The following TBC1D32 variants were observed in gnomAD, a reference collection of about 807,000 sequenced individuals.
The protein encoded by TBC1D32 is TBC1 domain family member 32.
A neutral mutation model predicts 170.3 loss-of-function variants in TBC1D32; 151 were observed. The ratio of observed to expected loss-of-function variants is 0.89; its 90% confidence interval spans 0.78 to 1.01. The LOEUF is 1.01. TBC1D32 is among the 50% of genes least tolerant of loss of function. The pLI, the probability that TBC1D32 is intolerant of heterozygous loss-of-function variation, is 0.00. For missense variants in TBC1D32, 1,464 were observed against 1,457.1 expected, an observed-to-expected ratio of 1.00 and a Z score of -0.08; for synonymous variants, 498 against 488.0, an observed-to-expected ratio of 1.02 and a Z score of -0.27.
intron 20 of TBC1D32, among the ~76,000 whole-genome samples, chr6:121,232,462 T>C (rs537875332): frequency 2.6e-5 from 4 of 152,062 alleles, no homozygotes; most frequent in African/African-American, 9.6e-5. Context: ...TGTGAAGTAT[T>C]ATGGTGGTAT....
intron 24 of TBC1D32, among the ~76,000 whole-genome samples, chr6:121,133,547 G>A (rs1781677283): frequency 6.6e-6 from 1 of 151,910 alleles, no homozygotes; most frequent in Admixed American, 6.6e-5. Context: ...TTAGCCCTAA[G>A]AAAACTGCTA....
At chr6:121,316,125 C>T (rs942403449) in intron 3 of TBC1D32, among the ~76,000 whole-genome samples, 1 of 152,100 alleles carries the variant, frequency 6.6e-6, no homozygotes, top group Non-Finnish European at 1.5e-5. Flanking sequence ...CCCATTTCTA[C>T]CAAAGCTTTG....
rs116105864 is a variant in TBC1D32 at position 121,093,705 on chromosome 6, G to C, written c.3466-2664C>G. The stretch of plus-strand genomic sequence containing the variant: ...TTTCTAATGCAGTTATAATTTTTTG[G>C]CATGTATATACATTCAAGCATTGTT... On this transcript the variant is annotated intron_variant, in intron 30 of 31. Coordinates refer to ENST00000398212, the MANE Select transcript of TBC1D32 (RefSeq NM_152730.6). 1.5e-3 allele frequency among the ~76,000 whole-genome samples: 231 copies of C among 152,016 alleles called. 1 individual carries two copies. The highest frequency in any genetic ancestry group is 5.4e-3 in the African/African-American group (223 of 41,456).
chr6:121,176,065 C>T (rs4946548), intron 22 of TBC1D32, among the ~76,000 whole-genome samples: 9,865 of 152,106 alleles, frequency 0.065, 620 homozygotes, highest in Admixed American at 0.21. Flanking sequence ...CTTTATGGAA[C>T]CCTAAATAGT....
chr6:121,096,881 G>T (rs1212107122), intron 30 of TBC1D32, among the ~76,000 whole-genome samples: 1 of 152,110 alleles, frequency 6.6e-6, no homozygotes, highest in African/African-American at 2.4e-5. Context: ...AGAGGCCTCA[G>T]AAATAACACC....
intron 15 of TBC1D32, among the ~76,000 whole-genome samples, chr6:121,273,868 T>C (rs1398686268): frequency 1.3e-5 from 2 of 152,140 alleles, no homozygotes; most frequent in African/African-American, 4.8e-5. Context: ...AAATGACTGT[T>C]TCTGTACCTC....
chr6:121,080,964 A>G lies in TBC1D32; in HGVS notation c.3655-74T>C, dbSNP rs17083119. The G allele has an allele frequency of 0.019, 29,789 of 1,538,312 alleles. 2,165 individuals are homozygous for G. The African/African-American group carries it at 0.22, about 11-fold the overall frequency. On this transcript the variant is annotated intron_variant, in intron 31 of 31. Coordinates refer to ENST00000398212, the MANE Select transcript of TBC1D32 (RefSeq NM_152730.6). Reference sequence around the variant, plus strand: ...ATTCCAAGTTAATGAATTTTAAATAATTGATATACCATTTATTTTCAGCTA... The same window carrying G: ...ATTCCAAGTTAATGAATTTTAAATAGTTGATATACCATTTATTTTCAGCTA...
chr6:121,160,425 G>GT (rs1260312575), intron 23 of TBC1D32, among the ~76,000 whole-genome samples: 1 of 150,016 alleles, frequency 6.7e-6, no homozygotes, highest in Non-Finnish European at 1.5e-5. Flanking sequence ...GAAACCTGTG[G>GT]TTTTTTCCAC....
rs1779298418 is a variant in TBC1D32, at chr6:121,112,637, A to G, written c.3192T>C (p.Ala1064=). 1.3e-6 allele frequency: 2 copies of G among 1,587,752 alleles called. No homozygotes were observed. The highest frequency in any genetic ancestry group is 1.4e-5 in the African/African-American group (1 of 74,060). The change falls in exon 29 of 32, where the codon GCT becomes GCC. Residue 1064 remains alanine (A), a synonymous_variant. Coordinates refer to ENST00000398212, the MANE Select transcript of TBC1D32 (RefSeq NM_152730.6). The part of the protein sequence containing the change: ...SSLLCLQGNY[A]GHDWFVSSLF... ...GAGAAGATACAAACCAGTCATGGCC[A>G]GCATAATTCCCTTGCAGGCAGACTG...
intron 12 of TBC1D32, among the ~76,000 whole-genome samples, chr6:121,291,849 TA>T (rs530144151): frequency 3.4e-4 from 50 of 145,850 alleles, no homozygotes; most frequent in Admixed American, 1.8e-3. Flanking sequence ...GGAATAATAA[TA>T]AAAAAAAAAT....
chr6:121,168,903 T>A (rs1786537687), intron 22 of TBC1D32, among the ~76,000 whole-genome samples: 1 of 151,884 alleles, frequency 6.6e-6, no homozygotes, highest in Admixed American at 6.6e-5. Context: ...AAGCCACTGC[T>A]CAAAGAAATC....
chr6:121,103,525 A>T (rs1015976199), intron 30 of TBC1D32, among the ~76,000 whole-genome samples: 1 of 142,632 alleles, frequency 7.0e-6, no homozygotes, highest in Admixed American at 7.6e-5. Context: ...ATAGGTGGGA[A>T]TTGAACAACG....
At chr6:121,138,159 C>A (rs1385213937) in intron 24 of TBC1D32, among the ~76,000 whole-genome samples, 1 of 152,124 alleles carries the variant, frequency 6.6e-6, no homozygotes, top group Admixed American at 6.5e-5. Flanking sequence ...ATTTATACAT[C>A]ATTCCATCTA....
chr6:121,209,014 T>C (rs1408443388), intron 21 of TBC1D32, among the ~76,000 whole-genome samples: 5 of 152,042 alleles, frequency 3.3e-5, no homozygotes, highest in Non-Finnish European at 7.4e-5. Flanking sequence ...CTATGGAGAA[T>C]ACCATCTAGA....
intron 21 of TBC1D32, among the ~76,000 whole-genome samples, chr6:121,205,541 A>C (rs1204904189): frequency 6.6e-6 from 1 of 152,192 alleles, no homozygotes; most frequent in Non-Finnish European, 1.5e-5. Flanking sequence ...ACTTTGAAAA[A>C]CAAATATAAA....
intron 20 of TBC1D32, among the ~76,000 whole-genome samples, 195 bp downstream of exon 20, chr6:121,238,875 C>T (rs1299451470): frequency 6.6e-6 from 1 of 151,752 alleles, no homozygotes; most frequent in Non-Finnish European, 1.5e-5. Flanking sequence ...ATATTATTCC[C>T]ACAAAACACT....
intron 20 of TBC1D32, among the ~76,000 whole-genome samples, chr6:121,234,143 T>C (rs1017411543): frequency 2.6e-5 from 4 of 152,036 alleles, no homozygotes; most frequent in Admixed American, 2.6e-4. Context: ...GCTCTTAAGA[T>C]TTTTTTCCTT....
rs1364704691 is a variant in TBC1D32 at position 121,236,973 on chromosome 6, A to G, written c.2364+2097T>C. 2.6e-5 allele frequency: 4 copies of G among 152,150 alleles called. No individual in the cohort carries two copies. In the East Asian group the frequency reaches 5.8e-4, roughly 22 times the overall value. 9.4% of individuals were successfully genotyped at this position (152,150 alleles called of 1,614,324 possible). The stretch of plus-strand genomic sequence containing the variant: ...AATAGGCTTCTATACTCACTTACCT[A>G]TTTGCAATTCCCTGTTTCCATCCTG... On this transcript the variant is annotated intron_variant, in intron 20 of 31. Coordinates refer to ENST00000398212, the MANE Select transcript of TBC1D32 (RefSeq NM_152730.6).
intron 25 of TBC1D32, among the ~76,000 whole-genome samples, chr6:121,127,229 C>A (rs1258798051): frequency 6.6e-6 from 1 of 152,078 alleles, no homozygotes; most frequent in Non-Finnish European, 1.5e-5. Flanking sequence ...ACTAAATGAA[C>A]CCTATTCCAC....
Sources: allele counts gnomAD v4.1 joint callset (sites outside exome capture counted in the v4.1 genomes callset), GRCh38; gene constraint gnomAD v4.1.1; transcripts MANE v1.5; gene names NCBI Gene and HGNC (gene_info 2026-07-23, HGNC 2026-07-21).